The following RCC2 variants were observed in gnomAD, a reference collection of about 807,000 sequenced individuals.
RCC2 encodes regulator of chromosome condensation 2.
Under a neutral mutation model 64.1 loss-of-function variants are expected in RCC2, and 19 were observed. The observed-to-expected ratio is 0.30, with a 90% confidence interval of 0.21 to 0.44. RCC2 has a LOEUF of 0.44. RCC2 is among the 20% of genes least tolerant of loss of function. The pLI, the probability that RCC2 is intolerant of heterozygous loss-of-function variation, is 1.00. For missense variants in RCC2, 508 were observed against 710.4 expected, an observed-to-expected ratio of 0.72 and a Z score of 3.24; for synonymous variants, 325 against 279.6, an observed-to-expected ratio of 1.16 and a Z score of -1.62.
rs558049018 is a variant in RCC2 at position 17,430,509 on chromosome 1, C to A, written c.286-1310G>T. 1.5e-3 allele frequency among the ~76,000 whole-genome samples: 212 copies of A among 144,214 alleles called. 1 individual carries two copies. The highest frequency in any genetic ancestry group is 4.2e-3 in the Admixed American group (61 of 14,604). The allele number at this position is 144,214 out of a possible 152,430, so 94.6% of individuals were successfully genotyped here. On this transcript the variant is annotated intron_variant, in intron 2 of 12. Transcript: ENST00000375436. ...GTCTCAAAAAAAAAAAAAAGGGGGC[C>A]AGGCACAGTGGCTCACGCCTGTAAT...
intron 7 of RCC2, among the ~76,000 whole-genome samples, chr1:17,420,046 C>T (rs941032951): frequency 6.6e-6 from 1 of 152,210 alleles, no homozygotes; most frequent in Admixed American, 6.5e-5. Flanking sequence ...CGCGCCACAC[C>T]TCGCGGAGGC....
intron 3 of RCC2, among the ~76,000 whole-genome samples, chr1:17,428,038 G>A (rs147976281): frequency 0.011 from 1,635 of 152,284 alleles, 16 homozygotes; most frequent in Middle Eastern, 0.031. Context: ...ACATACATGC[G>A]CGGGAGGCAA....
chr1:17,411,631 G>C (rs971813307), intron 11 of RCC2, among the ~76,000 whole-genome samples: 5 of 148,790 alleles, frequency 3.4e-5, no homozygotes, highest in Non-Finnish European at 7.4e-5. Flanking sequence ...AAGAATGAAA[G>C]ACATTTGTTT....
Position 17,431,700 on chromosome 1 carries a change from C to T in RCC2, c.286-2501G>A, listed in dbSNP as rs535635087. ...TTACACGACCCAAACCTGATTAGGG[C>T]GTCCCCCAAGATATAGGTTCCGTCA... On this transcript the variant is annotated intron_variant, in intron 2 of 12. Coordinates refer to ENST00000375436, the MANE Select transcript of RCC2 (RefSeq NM_018715.4). 1.1e-4 allele frequency among the ~76,000 whole-genome samples: 17 copies of T among 151,766 alleles called. No individual in the cohort carries two copies. The South Asian group carries it at 2.9e-3, about 26-fold the overall frequency.
chr1:17,422,367 C>CA (rs2075565231), intron 5 of RCC2, 76 bp from the exon 6 acceptor site: 1 of 1,356,972 alleles, frequency 7.4e-7, no homozygotes, highest in Admixed American at 1.8e-5. Flanking sequence ...TCAAAGGCAT[C>CA]AAAATAATAA....
At chr1:17,431,359 A>ATAAAAATATATATATATATATATAT (rs1265674393) in intron 2 of RCC2, among the ~76,000 whole-genome samples, 815 of 44,928 alleles carry the variant, frequency 0.018, 81 homozygotes, top group East Asian at 0.027. Flanking sequence ...AAAAAAAAAA[A>ATAAAAATATATATATATATATATAT]ATATATATAT....
intron 2 of RCC2, among the ~76,000 whole-genome samples, chr1:17,434,626 G>C (rs2075716867): frequency 6.6e-6 from 1 of 152,218 alleles, no homozygotes; most frequent in South Asian, 2.1e-4. Context: ...GAAGCTACCA[G>C]GGACTGGACT....
intron 8 of RCC2, among the ~76,000 whole-genome samples, chr1:17,414,839 G>C (rs2075466271): frequency 6.6e-6 from 1 of 152,132 alleles, no homozygotes; most frequent in African/African-American, 2.4e-5. Flanking sequence ...TCACCATGTT[G>C]CTCAGGCTGG....
rs1023709426 is a variant in RCC2 at position 17,407,202 on chromosome 1, A to C, written c.*1888T>G. The stretch of plus-strand genomic sequence containing the variant: ...TTTACATGAGGCCACCGAAGATCTA[A>C]GTCCAGCTAAGCCCAGGGAGGCTCC... On this transcript the variant is annotated 3_prime_UTR_variant, in exon 13 of 13. Coordinates refer to ENST00000375436, the MANE Select transcript of RCC2 (RefSeq NM_018715.4). 5 of 151,992 alleles carry C rather than the reference A, an allele frequency of 3.3e-5. No homozygotes were observed. Among genetic ancestry groups the C allele is most frequent in the African/African-American group, 4.8e-5 (2 of 41,396 alleles). The allele number at this position is 151,992 out of a possible 1,614,324, so 9.4% of individuals were successfully genotyped here. A position where few individuals can be genotyped will look rare whatever the true frequency, so the allele number is the denominator to read the frequency against.
In RCC2 at chr1:17,429,135, A is replaced by G; in HGVS notation, c.350T>C (p.Ile117Thr). 1 of 1,614,180 alleles carries G rather than the reference A, an allele frequency of 6.2e-7. No individual in the cohort carries two copies. The highest frequency in any genetic ancestry group is 8.5e-7 in the Non-Finnish European group (1 of 1,180,022). The change falls in exon 3 of 13, where the codon ATT becomes ACT. Residue 117 changes from isoleucine (I) to threonine (T), a missense_variant. Physicochemically the swap from Ile to Thr is moderately conservative, Grantham distance 89. Coordinates refer to ENST00000375436, the MANE Select transcript of RCC2 (RefSeq NM_018715.4). Reference sequence around the variant, plus strand: ...CTGTTTAGGCACTTCTTTTCGACCAATCAAGTCCCAGTTGGTTGCCCCAAA... The same window carrying G: ...CTGTTTAGGCACTTCTTTTCGACCAGTCAAGTCCCAGTTGGTTGCCCCAAA... Reference protein sequence around the residue: ...LIFGATNWDLIGRKEVPKQQA... With the variant: ...LIFGATNWDLTGRKEVPKQQA...
intron 11 of RCC2, among the ~76,000 whole-genome samples, chr1:17,410,846 AGTT>A (rs2075417427): frequency 6.6e-6 from 1 of 152,148 alleles, no homozygotes; most frequent in Non-Finnish European, 1.5e-5. Flanking sequence ...GCTCCCCTCT[AGTT>A]TCAAAATTTA....
chr1:17,431,822 C>G (rs971034165), intron 2 of RCC2, among the ~76,000 whole-genome samples: 1 of 151,868 alleles, frequency 6.6e-6, no homozygotes, highest in Non-Finnish European at 1.5e-5. Flanking sequence ...GTGAGGCCAG[C>G]CGCGGTAGCT....
intron 4 of RCC2, among the ~76,000 whole-genome samples, chr1:17,423,156 G>A (rs2075573844): frequency 6.6e-6 from 1 of 152,180 alleles, no homozygotes; most frequent in Non-Finnish European, 1.5e-5. Flanking sequence ...CATGCTCGCA[G>A]AAACACGCCG....
At position 17,412,418 on chromosome 1, in the gene RCC2, G is replaced by C. The variant is rs545548568; in HGVS notation, c.1314-224C>G. Among the ~76,000 whole-genome samples the C allele has an allele frequency of 6.6e-5, 10 of 152,350 alleles. No individual in the cohort carries two copies. The South Asian group carries it at 2.1e-3, about 32-fold the overall frequency. The stretch of plus-strand genomic sequence containing the variant: ...ACAACAAAGCCCTTAGACAGGCCTA[G>C]GGGCCAAAGGCAGGGGACCTTGCTG... On this transcript the variant is annotated intron_variant, in intron 10 of 12. Coordinates refer to ENST00000375436, the MANE Select transcript of RCC2 (RefSeq NM_018715.4).
At position 17,429,107 on chromosome 1, in the gene RCC2, T is replaced by C. The variant is rs2075648203; in HGVS notation, c.378A>G (p.Gln126=). 6.2e-7 allele frequency: 1 copy of C among 1,613,462 alleles called. No individual in the cohort carries two copies. Among genetic ancestry groups the C allele is most frequent in the Non-Finnish European group, 8.5e-7 (1 of 1,179,384 alleles). ...LIGRKEVPKQ[Q]AAYRNLGQNL... is the part of the protein sequence containing the mutation. ...GTTTTTGAGGCACCATTCTCATACC[T>C]TGCTGTTTAGGCACTTCTTTTCGAC... The change falls in exon 3 of 13, where the codon CAA becomes CAG. Residue 126 remains glutamine, a splice_region_variant and synonymous_variant. Transcript: ENST00000375436.
chr1:17,428,596 A>C (rs2075643765), intron 3 of RCC2, among the ~76,000 whole-genome samples: 1 of 152,226 alleles, frequency 6.6e-6, no homozygotes, highest in Non-Finnish European at 1.5e-5. Context: ...AGTTTTCCAA[A>C]GGTAACTGGG....
In RCC2 at chr1:17,423,594, T is replaced by C. The variant is rs1041697044; in HGVS notation, c.524-758A>G. On this transcript the variant is annotated intron_variant, in intron 4 of 12. Transcript: ENST00000375436. ...ATTCAACTCCAAACAGACGTGGAAG[T>C]TGGGTGGGCCAAAAGGAGGGCTGGG... is the stretch of plus-strand genomic sequence containing the variant. Among the ~76,000 whole-genome samples the C allele has an allele frequency of 2.6e-5, 4 of 152,330 alleles. No homozygotes were observed. The South Asian group carries it at 6.2e-4, about 24-fold the overall frequency.
At position 17,407,318 on chromosome 1, in the gene RCC2, T is replaced by C. The variant is rs2075372294; in HGVS notation, c.*1772A>G. The C allele has an allele frequency of 6.6e-6, 1 of 152,080 alleles. No individual in the cohort carries two copies. Among genetic ancestry groups the C allele is most frequent in the Non-Finnish European group, 1.5e-5 (1 of 68,018 alleles). 9.4% of individuals were successfully genotyped at this position (152,080 alleles called of 1,614,324 possible). A position where few individuals can be genotyped will look rare whatever the true frequency, so the allele number is the denominator to read the frequency against. ...ACCTCAAGGGTGCCAGGAGCACAGG[T>C]GCCTGGGCTGCATTCCAGGAAAGAG... On this transcript the variant is annotated 3_prime_UTR_variant, in exon 13 of 13. Coordinates refer to ENST00000375436, the MANE Select transcript of RCC2 (RefSeq NM_018715.4).
chr1:17,410,121 C>G (rs562748961), intron 11 of RCC2, 70 bp from the exon 12 acceptor site: 1 of 1,395,246 alleles, frequency 7.2e-7, no homozygotes, highest in East Asian at 2.3e-5. Flanking sequence ...GGAATCACGG[C>G]AACATTTCCT....
Sources: gnomAD v4.1 joint callset for allele counts (sites outside exome capture counted in the v4.1 genomes callset) on GRCh38, gnomAD v4.1.1 for gene constraint, MANE v1.5 for transcripts, NCBI Gene and HGNC (gene_info 2026-07-23, HGNC 2026-07-21) for gene names.